STX8: variants seen among roughly 807,000 people sequenced by gnomAD.
STX8 encodes the protein syntaxin-8.
Under a neutral mutation model 37.5 loss-of-function variants are expected in STX8, and 23 were observed. That is an observed-to-expected ratio of 0.61 (90% CI 0.44 to 0.87). The LOEUF (loss-of-function observed/expected upper bound fraction) is 0.87, where lower values mean the gene tolerates loss of function less well. Among genes scored for constraint, STX8 ranks in the 40% least tolerant of loss-of-function variants. The pLI, the probability that STX8 is intolerant of heterozygous loss-of-function variation, is 0.00. For synonymous variants in STX8, 115 were observed against 99.1 expected, an observed-to-expected ratio of 1.16 and a Z score of -0.95; for missense variants, 313 against 284.7, an observed-to-expected ratio of 1.10 and a Z score of -0.71.
chr17:9,435,843 T>C (rs1904411973), intron 6 of STX8, among the ~76,000 whole-genome samples: 1 of 152,200 alleles, frequency 6.6e-6, no homozygotes, highest in South Asian at 2.1e-4. Flanking sequence ...CTACAATGTA[T>C]ATATATTTCA....
chr17:9,339,392 C>G (rs569401187), intron 7 of STX8, among the ~76,000 whole-genome samples: 2 of 152,056 alleles, frequency 1.3e-5, no homozygotes, highest in Non-Finnish European at 2.9e-5. Flanking sequence ...CAGTGGCTCA[C>G]GCCTGTAATC....
At chr17:9,420,824 T>C (rs1262123431) in intron 6 of STX8, among the ~76,000 whole-genome samples, 1 of 152,210 alleles carries the variant, frequency 6.6e-6, no homozygotes, top group African/African-American at 2.4e-5. Context: ...GTTTGCACTC[T>C]CGTTTTATCC....
chr17:9,272,364 G>C (rs917151810), intron 7 of STX8, among the ~76,000 whole-genome samples: 19 of 152,208 alleles, frequency 1.2e-4, no homozygotes, highest in African/African-American at 4.6e-4. Context: ...TACCCGGCAG[G>C]GAGTGGCTGG....
chr17:9,343,904 A>G (rs1284017856), intron 7 of STX8, among the ~76,000 whole-genome samples: 1 of 152,218 alleles, frequency 6.6e-6, no homozygotes, highest in Non-Finnish European at 1.5e-5. Flanking sequence ...CGACCTAATT[A>G]AAAATTCAAG....
chr17:9,288,518 CG>C (rs1908179465), intron 7 of STX8, among the ~76,000 whole-genome samples: 1 of 151,746 alleles, frequency 6.6e-6, no homozygotes, highest in Non-Finnish European at 1.5e-5. Context: ...AAAAATTAGC[CG>C]GGCGTGGTGG....
At chr17:9,368,346 T>C (rs1911296723) in intron 7 of STX8, among the ~76,000 whole-genome samples, 1 of 151,810 alleles carries the variant, frequency 6.6e-6, no homozygotes. Context: ...CTACTAAAAA[T>C]ACAAAACATT....
intron 1 of STX8, among the ~76,000 whole-genome samples, chr17:9,571,189 G>A (rs566226321): frequency 6.6e-6 from 1 of 152,246 alleles, no homozygotes; most frequent in Admixed American, 6.5e-5. Flanking sequence ...ACTCCCAGGT[G>A]TCCTGACTCC....
chr17:9,524,524 C>A (rs1905483126), intron 4 of STX8, among the ~76,000 whole-genome samples: 1 of 152,134 alleles, frequency 6.6e-6, no homozygotes, highest in Non-Finnish European at 1.5e-5. Flanking sequence ...AAGGTCCCAC[C>A]TCTTAATACT....
intron 7 of STX8, among the ~76,000 whole-genome samples, chr17:9,367,163 GTTT>G (rs1198442595): frequency 1.4e-5 from 2 of 141,066 alleles, no homozygotes; most frequent in Non-Finnish European, 3.0e-5. Context: ...GTGGGTTTTT[GTTT>G]TTTTTGTTTT....
At chr17:9,386,104 C>CAAAAA (rs57683285) in intron 6 of STX8, among the ~76,000 whole-genome samples, 1 of 118,626 alleles carries the variant, frequency 8.4e-6, no homozygotes, top group Non-Finnish European at 1.8e-5. Context: ...GCCTATTTCT[C>CAAAAA]AAAAAAAAAA....
At chr17:9,399,930 C>G (rs576443662) in intron 6 of STX8, among the ~76,000 whole-genome samples, 1 of 150,804 alleles carries the variant, frequency 6.6e-6, no homozygotes, top group South Asian at 2.1e-4. Flanking sequence ...CCATAAGTGT[C>G]TTCCAAAATA....
chr17:9,252,609 C>CAA (rs60037652), intron 7 of STX8, among the ~76,000 whole-genome samples: 103 of 94,032 alleles, frequency 1.1e-3, no homozygotes, highest in African/African-American at 3.2e-3. Flanking sequence ...AACTCTGTCT[C>CAA]AAAAAAAAAA....
intron 4 of STX8, among the ~76,000 whole-genome samples, chr17:9,534,618 T>A (rs1182290222): frequency 2.0e-5 from 3 of 152,044 alleles, no homozygotes; most frequent in African/African-American, 7.2e-5. Flanking sequence ...TGAAACTCCG[T>A]CTCTTCTAAA....
At chr17:9,562,081 T>C (rs1907255787) in intron 2 of STX8, among the ~76,000 whole-genome samples, 1 of 146,814 alleles carries the variant, frequency 6.8e-6, no homozygotes, top group African/African-American at 2.5e-5. Flanking sequence ...TGGAAGCAAT[T>C]AGATTGACAG....
At chr17:9,388,570 G>A (rs370614244) in intron 6 of STX8, among the ~76,000 whole-genome samples, 2 of 151,294 alleles carry the variant, frequency 1.3e-5, no homozygotes, top group African/African-American at 2.4e-5. Flanking sequence ...TTGGGAGGCC[G>A]AGGTGGGCGG....
chr17:9,545,371 G>A, intron 3 of STX8, 89 bp from the exon 4 acceptor site: 1 of 968,066 alleles, frequency 1.0e-6, no homozygotes, highest in Non-Finnish European at 1.6e-6. Context: ...GTCAGTTGTG[G>A]CTTTTACAGA....
intron 5 of STX8, among the ~76,000 whole-genome samples, chr17:9,500,900 G>A (rs1904585971): frequency 6.6e-6 from 1 of 152,154 alleles, no homozygotes; most frequent in Non-Finnish European, 1.5e-5. Flanking sequence ...AGCTACTTGG[G>A]AGGCTGAGGC....
At chr17:9,337,921 G>C (rs997508747) in intron 7 of STX8, among the ~76,000 whole-genome samples, 1 of 152,234 alleles carries the variant, frequency 6.6e-6, no homozygotes, top group East Asian at 1.9e-4. Flanking sequence ...TTGAGAAAGG[G>C]TGCAGTGTGG....
intron 7 of STX8, among the ~76,000 whole-genome samples, chr17:9,349,772 ACTC>A (rs1034853288): frequency 1.3e-5 from 2 of 151,344 alleles, no homozygotes; most frequent in Admixed American, 6.6e-5. Context: ...ACTGTACTGT[ACTC>A]CTCCTCCTTC....
Sources: allele counts gnomAD v4.1 joint callset (sites outside exome capture counted in the v4.1 genomes callset), GRCh38; gene constraint gnomAD v4.1.1; transcripts MANE v1.5; gene names NCBI Gene and HGNC (gene_info 2026-07-23, HGNC 2026-07-21).